TRAF3IP3: variants seen among roughly 807,000 people sequenced by gnomAD.
TRAF3IP3 encodes the protein TRAF3-interacting JNK-activating modulator.
In TRAF3IP3, 64 loss-of-function variants were observed where a neutral mutation model predicts 86.5. That is an observed-to-expected ratio of 0.74 (90% CI 0.60 to 0.91). The LOEUF (loss-of-function observed/expected upper bound fraction) is 0.91, where lower values mean the gene tolerates loss of function less well. Among genes scored for constraint, TRAF3IP3 ranks in the 40% least tolerant of loss-of-function variants. The pLI is 0.00. For missense variants in TRAF3IP3, 579 were observed against 642.9 expected (o/e 0.90, Z 1.07); for synonymous variants, 220 against 243.9 (o/e 0.90, Z 0.91).
Position 209,782,141 on chromosome 1 carries a change from T to TA in TRAF3IP3, c.1649_1650insA (p.Met550IlefsTer7). On this transcript the variant is annotated frameshift_variant, in exon 17 of 17. Coordinates refer to ENST00000367025, the MANE Select transcript of TRAF3IP3 (RefSeq NM_025228.4). LOFTEE classifies it high-confidence loss of function. Reference sequence around the variant, plus strand: ...TTCCTGGCCAATAAAGACAACCTGATGATCTGAATAATTTGTGACAACTGC... The same window carrying TA: ...TTCCTGGCCAATAAAGACAACCTGATAGATCTGAATAATTTGTGACAACTGC... 1 of 1,613,648 alleles carries TA rather than the reference T, an allele frequency of 6.2e-7. No individual in the cohort carries two copies.
At chr1:209,780,781 C>CTTAT in intron 15 of TRAF3IP3, 175 bp downstream of exon 15, 2 of 462,722 alleles carry the variant, frequency 4.3e-6, no homozygotes, top group Non-Finnish European at 7.0e-6. Flanking sequence ...TTTTCCCTTC[C>CTTAT]TTATTTATAC....
intron 8 of TRAF3IP3, among the ~76,000 whole-genome samples, chr1:209,765,809 C>A (rs779111459): frequency 1.2e-4 from 18 of 152,156 alleles, no homozygotes; most frequent in Non-Finnish European, 2.2e-4. Flanking sequence ...TGTATTCAAT[C>A]TATTGGTTTA....
chr1:209,778,019 C>T, intron 12 of TRAF3IP3, 92 bp from the exon 13 acceptor site: 1 of 1,127,674 alleles, frequency 8.9e-7, no homozygotes, highest in Non-Finnish European at 1.3e-6. Context: ...AAGACCATGA[C>T]AAGACAGCAT....
chr1:209,758,013 G>T (rs2077183112), intron 1 of TRAF3IP3, among the ~76,000 whole-genome samples: 1 of 152,204 alleles, frequency 6.6e-6, no homozygotes, highest in South Asian at 2.1e-4. Flanking sequence ...AAGAGCCAGG[G>T]TTCTCCACTG....
intron 8 of TRAF3IP3, among the ~76,000 whole-genome samples, chr1:209,764,096 C>T (rs1270185413): frequency 6.6e-6 from 1 of 152,178 alleles, no homozygotes; most frequent in Non-Finnish European, 1.5e-5. Flanking sequence ...AAAAGTCACA[C>T]AGCTAGGTAG....
In TRAF3IP3 at chr1:209,775,581, C is replaced by T. The variant is rs768169880; in HGVS notation, c.916-18C>T. On this transcript the variant is annotated intron_variant, in intron 10 of 16. Transcript: ENST00000367025. The stretch of plus-strand genomic sequence containing the variant: ...CTGCACAACTCCCTGGAGCCCTCTC[C>T]TCTCTGATCTCCCTCAGCGATCCCT... 2.5e-6 allele frequency: 4 copies of T among 1,614,026 alleles called. No homozygotes were observed. Among genetic ancestry groups the T allele is most frequent in the Non-Finnish European group, 2.5e-6 (3 of 1,179,998 alleles).
intron 8 of TRAF3IP3, among the ~76,000 whole-genome samples, chr1:209,770,093 C>G (rs1571934521): frequency 6.6e-6 from 1 of 152,270 alleles, no homozygotes; most frequent in East Asian, 1.9e-4. Flanking sequence ...GCTCTTCATG[C>G]CGGCCTTGCT....
chr1:209,756,704 G>A (rs2077160521), intron 1 of TRAF3IP3, among the ~76,000 whole-genome samples: 1 of 152,190 alleles, frequency 6.6e-6, no homozygotes, highest in African/African-American at 2.4e-5. Context: ...TTCACACTGA[G>A]AGCTCTGGGC....
At chr1:209,778,325 T>C (rs1487289676) in intron 13 of TRAF3IP3, 152 bp downstream of exon 13, 1 of 592,094 alleles carries the variant, frequency 1.7e-6, no homozygotes, top group African/African-American at 1.9e-5. Context: ...AGTGAGGTCA[T>C]TTACATAGCT....
In TRAF3IP3 at chr1:209,775,509, A is replaced by G; in HGVS notation, c.915+20A>G. 1 of 1,614,158 alleles carries G rather than the reference A, an allele frequency of 6.2e-7. No homozygotes were observed. The highest frequency in any genetic ancestry group is 8.5e-7 in the Non-Finnish European group (1 of 1,180,002). On this transcript the variant is annotated intron_variant, in intron 10 of 16. Coordinates refer to ENST00000367025, the MANE Select transcript of TRAF3IP3 (RefSeq NM_025228.4). The stretch of plus-strand genomic sequence containing the variant: ...ACACAGGTATGGGGATGCCACATAG[A>G]CATGGGGCTGGGGACTCCAGGCAGC...
chr1:209,771,958 GGT>G (rs1313086858), intron 8 of TRAF3IP3, among the ~76,000 whole-genome samples: 71 of 135,424 alleles, frequency 5.2e-4, no homozygotes, highest in Admixed American at 1.7e-3. Context: ...TGCATGTGAA[GGT>G]GTGTGTGTGC....
intron 8 of TRAF3IP3, among the ~76,000 whole-genome samples, chr1:209,771,550 TGGA>T (rs2077526556): frequency 7.3e-6 from 1 of 137,734 alleles, no homozygotes; most frequent in Admixed American, 7.4e-5. Flanking sequence ...TGTATGCAGG[TGGA>T]GGTGTATGTG....
rs2077153351 is a variant in TRAF3IP3 at position 209,756,219 on chromosome 1, G to T, written c.-250G>T. On this transcript the variant is annotated 5_prime_UTR_variant, in exon 1 of 17. Transcript: ENST00000367025. Reference sequence around the variant, plus strand: ...TTGAAAGCGTGTGCTTTACCCATCTGCTGTCTTGCTCCATCTGAGACCAGA... The same window carrying T: ...TTGAAAGCGTGTGCTTTACCCATCTTCTGTCTTGCTCCATCTGAGACCAGA... 2 of 152,264 alleles carry T rather than the reference G, an allele frequency of 1.3e-5. No homozygotes were observed. Among genetic ancestry groups the T allele is most frequent in the Non-Finnish European group, 1.5e-5 (1 of 68,074 alleles). The allele number at this position is 152,264 out of a possible 1,614,324, so 9.4% of individuals were successfully genotyped here. A position where few individuals can be genotyped will look rare whatever the true frequency, so the allele number is the denominator to read the frequency against.
At chr1:209,757,957 G>T (rs962616503) in intron 1 of TRAF3IP3, among the ~76,000 whole-genome samples, 1 of 152,184 alleles carries the variant, frequency 6.6e-6, no homozygotes, top group African/African-American at 2.4e-5. Flanking sequence ...ACACACACAG[G>T]TTGTAGGTGA....
intron 8 of TRAF3IP3, among the ~76,000 whole-genome samples, chr1:209,771,157 T>TGTG (rs1489224723): frequency 2.8e-5 from 3 of 107,478 alleles, no homozygotes; most frequent in Admixed American, 9.8e-5. Flanking sequence ...CATGTGAAGG[T>TGTG]TGTGTGCATG....
At position 209,781,467 on chromosome 1, in the gene TRAF3IP3, G is replaced by T. The variant is rs1191837551; in HGVS notation, c.1563+9G>T. 11 of 1,599,820 alleles carry T rather than the reference G, an allele frequency of 6.9e-6. No homozygotes were observed. The highest frequency in any genetic ancestry group is 8.6e-6 in the Non-Finnish European group (10 of 1,167,428). ...AGCAGCTGCCTCCCAGAGTAAGAGG[G>T]TCTCTCCTTCCCATAAAGCCCTGGA... is the stretch of plus-strand genomic sequence containing the variant. On this transcript the variant is annotated intron_variant, in intron 16 of 16. Coordinates refer to ENST00000367025, the MANE Select transcript of TRAF3IP3 (RefSeq NM_025228.4).
At chr1:209,779,083 C>T (rs1024604916) in intron 13 of TRAF3IP3, 3 of 572,594 alleles carry the variant, frequency 5.2e-6, no homozygotes, top group South Asian at 2.1e-5. Context: ...TTGGGGCCCA[C>T]CTGAATGACC....
At chr1:209,781,722 T>C (rs2077784640) in intron 16 of TRAF3IP3, 2 of 483,590 alleles carry the variant, frequency 4.1e-6, no homozygotes, top group Admixed American at 3.6e-5. Context: ...TTTTAGCCGA[T>C]GATAAGCATG....
intron 8 of TRAF3IP3, chr1:209,768,278 G>C (rs2077394907): frequency 2.0e-6 from 2 of 985,412 alleles, no homozygotes; most frequent in Non-Finnish European, 1.2e-6. Flanking sequence ...CCAAGGATCA[G>C]CTCCCTCCGC....
Sources: gnomAD v4.1 joint callset for allele counts (sites outside exome capture counted in the v4.1 genomes callset) on GRCh38, gnomAD v4.1.1 for gene constraint, MANE v1.5 for transcripts, NCBI Gene and HGNC (gene_info 2026-07-23, HGNC 2026-07-21) for gene names.